The following APOC4 variants were observed in gnomAD, a reference collection of about 807,000 sequenced individuals.
APOC4 encodes apolipoprotein C4, also known as apolipoprotein C-IV.
A neutral mutation model predicts 8.4 loss-of-function variants in APOC4; 10 were observed. That is an observed-to-expected ratio of 1.19 (90% CI 0.74 to 2.03). The LOEUF is 2.03. APOC4 is among the 30% of genes most tolerant of loss of function. The pLI is 0.00. For synonymous variants in APOC4, 59 were observed against 65.8 expected, an observed-to-expected ratio of 0.90 and a Z score of 0.50; for missense variants, 160 against 156.1, an observed-to-expected ratio of 1.02 and a Z score of -0.13.
chr19:44,945,072 C>T lies in APOC4; in HGVS notation c.219-68C>T, dbSNP rs569192609. On this transcript the variant is annotated intron_variant, in intron 2 of 2. Coordinates refer to ENST00000592954, the MANE Select transcript of APOC4 (RefSeq NM_001646.3). ...GGAACTCCTAGGTCACAGAGAGGAGCGGATAAATGGGGCAGAGAACACCTG... is the reference window on the plus strand; with the variant it reads ...GGAACTCCTAGGTCACAGAGAGGAGTGGATAAATGGGGCAGAGAACACCTG... The T allele has an allele frequency of 3.6e-5, 57 of 1,563,392 alleles. No individual in the cohort carries two copies. The South Asian group carries it at 3.9e-4, about 11-fold the overall frequency.
rs371145349 is a variant in APOC4 at position 44,945,112 on chromosome 19, C to T, written c.219-28C>T. 24 of 1,604,362 alleles carry T rather than the reference C, an allele frequency of 1.5e-5. No individual in the cohort carries two copies. The African/African-American group carries it at 3.1e-4, about 21-fold the overall frequency. Reference sequence around the variant, plus strand: ...GAGAACACCTGGGGAGAGCTGGGGCCTCCACTGTGATGTCCTCTCTCCTGT... The same window carrying T: ...GAGAACACCTGGGGAGAGCTGGGGCTTCCACTGTGATGTCCTCTCTCCTGT... On this transcript the variant is annotated intron_variant, in intron 2 of 2. Coordinates refer to ENST00000592954, the MANE Select transcript of APOC4 (RefSeq NM_001646.3).
At chr19:44,942,427 C>G (rs887442529) in intron 1 of APOC4, 74 bp downstream of exon 1, 1 of 1,453,160 alleles carries the variant, frequency 6.9e-7, no homozygotes, top group South Asian at 1.2e-5. Context: ...TCCTGTGGCT[C>G]TGTAGCCACG....
chr19:44,942,488 C>T lies in APOC4; in HGVS notation c.76+135C>T, dbSNP rs192701131. The T allele has an allele frequency of 2.9e-4, 208 of 720,258 alleles. No individual in the cohort carries two copies. In the African/African-American group the frequency reaches 3.1e-3, roughly 11 times the overall value. 44.6% of individuals were successfully genotyped at this position (720,258 alleles called of 1,614,324 possible). ...GTTTCATGGCGTGCGTATGCATGTG[C>T]GTGTCGGGGAGTGTGTGTGTCGGTG... On this transcript the variant is annotated intron_variant, in intron 1 of 2. Coordinates refer to ENST00000592954, the MANE Select transcript of APOC4 (RefSeq NM_001646.3).
chr19:44,945,337 G>T lies in APOC4; in HGVS notation c.*32G>T. On this transcript the variant is annotated 3_prime_UTR_variant, in exon 3 of 3. Transcript: ENST00000592954. The stretch of plus-strand genomic sequence containing the variant: ...CATAAAAGCCAGGTGTGGTTGTGGC[G>T]GGTGCCTGTAGTCCCAGCTACTCAG... 1 of 1,594,610 alleles carries T rather than the reference G, an allele frequency of 6.3e-7. No homozygotes were observed. The highest frequency in any genetic ancestry group is 8.5e-7 in the Non-Finnish European group (1 of 1,172,448).
At chr19:44,942,554 G>C (rs1165709195) in intron 1 of APOC4, among the ~76,000 whole-genome samples, 1 of 152,160 alleles carries the variant, frequency 6.6e-6, no homozygotes, top group Non-Finnish European at 1.5e-5. Context: ...TACAAACTGG[G>C]ATCATCTGTG....
In APOC4 at chr19:44,945,145, C is replaced by T. The variant is rs753096367; in HGVS notation, c.224C>T (p.Pro75Leu). The change falls in exon 3 of 3, where the codon CCG becomes CTG. Residue 75 changes from proline (P) to leucine (L), a missense_variant. Transcript: ENST00000592954. ...TRDGWQWFWS[P>L]STFRGFMQTY... is the part of the protein sequence containing the mutation. ...TGATGTCCTCTCTCCTGTAGGAGCC[C>T]GAGCACCTTCCGGGGCTTCATGCAG... is the stretch of plus-strand genomic sequence containing the variant. 8 of 1,613,468 alleles carry T rather than the reference C, an allele frequency of 5.0e-6. No homozygotes were observed. Among genetic ancestry groups the T allele is most frequent in the East Asian group, 2.2e-5 (1 of 44,882 alleles).
At chr19:44,943,663 G>T (rs1188506194) in intron 1 of APOC4, among the ~76,000 whole-genome samples, 1 of 151,796 alleles carries the variant, frequency 6.6e-6, no homozygotes, top group Non-Finnish European at 1.5e-5. Context: ...GGAGGCAGAG[G>T]TTGCAGTGAG....
chr19:44,945,094 C>T (rs749470744), intron 2 of APOC4, 46 bp from the exon 3 acceptor site: 42 of 1,594,678 alleles, frequency 2.6e-5, no homozygotes, highest in Non-Finnish European at 3.5e-5. Flanking sequence ...GCAGAGAACA[C>T]CTGGGGAGAG....
intron 2 of APOC4, 48 bp from the exon 3 acceptor site, chr19:44,945,092 C>T (rs1450972912): frequency 6.3e-7 from 1 of 1,591,076 alleles, no homozygotes; most frequent in South Asian, 1.1e-5. Flanking sequence ...GGGCAGAGAA[C>T]ACCTGGGGAG....
chr19:44,945,188 C>G lies in APOC4; in HGVS notation c.267C>G (p.His89Gln). 2 of 1,614,076 alleles carry G rather than the reference C, an allele frequency of 1.2e-6. No individual in the cohort carries two copies. Among genetic ancestry groups the G allele is most frequent in the Non-Finnish European group, 1.7e-6 (2 of 1,180,016 alleles). Residue 89 changes from histidine to glutamine, a missense_variant, in exon 3 of 3, where the codon CAC becomes CAG. His to Gln is a conservative substitution (Grantham distance 24, BLOSUM62 0). Coordinates refer to ENST00000592954, the MANE Select transcript of APOC4 (RefSeq NM_001646.3). ...TCATGCAGACCTACTATGACGACCA[C>G]CTGAGGGACCTGGGTCCGCTCACCA... is the stretch of plus-strand genomic sequence containing the variant. ...RGFMQTYYDD[H>Q]LRDLGPLTKA... is the part of the protein sequence containing the mutation.
Position 44,945,371 on chromosome 19 carries a change from G to C in APOC4, c.*66G>C. 1 of 1,534,826 alleles carries C rather than the reference G, an allele frequency of 6.5e-7. No individual in the cohort carries two copies. Among genetic ancestry groups the C allele is most frequent in the Non-Finnish European group, 8.8e-7 (1 of 1,137,468 alleles). On this transcript the variant is annotated 3_prime_UTR_variant, in exon 3 of 3. Transcript: ENST00000592954. ...TAGTCCCAGCTACTCAGGAGGCTGA[G>C]GTAGGATGATGGCTTGAGCCCAGGA...
chr19:44,945,062 CAG>C (rs1421448451), intron 2 of APOC4, 76 bp from the exon 3 acceptor site: 3 of 1,554,760 alleles, frequency 1.9e-6, no homozygotes, highest in African/African-American at 1.4e-5. Context: ...TCCTAGGTCA[CAG>C]AGAGGAGCGG....
intron 1 of APOC4, 144 bp downstream of exon 1, chr19:44,942,497 G>A (rs1466838064): frequency 1.3e-5 from 9 of 716,308 alleles, no homozygotes; most frequent in African/African-American, 3.6e-5. Flanking sequence ...GCGTGTCGGG[G>A]AGTGTGTGTG....
At chr19:44,942,650 CCTGT>C (rs1041709491) in intron 1 of APOC4, among the ~76,000 whole-genome samples, 21 of 151,944 alleles carry the variant, frequency 1.4e-4, no homozygotes, top group African/African-American at 3.4e-4. Flanking sequence ...TTTGTGTGCA[CCTGT>C]CTCTCTGTGG....
rs773375440 is a variant in APOC4, at chr19:44,945,186, CACCTGAGGG to C, written c.271_279del (p.Arg91_Leu93del). The C allele has an allele frequency of 1.2e-6, 2 of 1,614,118 alleles. No individual in the cohort carries two copies. The highest frequency in any genetic ancestry group is 2.2e-5 in the South Asian group (2 of 91,088). On this transcript the variant is annotated inframe_deletion, in exon 3 of 3. Transcript: ENST00000592954. ...CTTCATGCAGACCTACTATGACGAC[CACCTGAGGG>C]ACCTGGGTCCGCTCACCAAGGCCTG...
rs112321936 is a variant in APOC4 at position 44,945,026 on chromosome 19, G to A, written c.219-114G>A. ...TGTGACCCCTAGGTCTGGGAGGAGT[G>A]GAGGGTTAGAGCTGAGAGCAGGAAC... is the stretch of plus-strand genomic sequence containing the variant. On this transcript the variant is annotated intron_variant, in intron 2 of 2. Transcript: ENST00000592954. The A allele has an allele frequency of 4.7e-5, 71 of 1,526,856 alleles. No homozygotes were observed. In the African/African-American group the frequency reaches 7.0e-4, roughly 15 times the overall value. 94.6% of individuals were successfully genotyped at this position (1,526,856 alleles called of 1,614,324 possible).
At chr19:44,943,231 T>C (rs1170177244) in intron 1 of APOC4, among the ~76,000 whole-genome samples, 1 of 151,972 alleles carries the variant, frequency 6.6e-6, no homozygotes. Context: ...AATGCCTGGC[T>C]AATTTTTTTA....
chr19:44,944,988 G>A, intron 2 of APOC4, 98 bp downstream of exon 2: 1 of 1,526,274 alleles, frequency 6.6e-7, no homozygotes, highest in Non-Finnish European at 8.8e-7. Context: ...GGAGGAAAGG[G>A]TGGGAGTGGG....
chr19:44,944,218 G>A (rs1391180231), intron 1 of APOC4, among the ~76,000 whole-genome samples: 2 of 152,136 alleles, frequency 1.3e-5, no homozygotes, highest in African/African-American at 2.4e-5. Context: ...AGGGTGACAG[G>A]AGGGACTACT....
Sources: gnomAD v4.1 joint callset for allele counts (sites outside exome capture counted in the v4.1 genomes callset) on GRCh38, gnomAD v4.1.1 for gene constraint, MANE v1.5 for transcripts, NCBI Gene and HGNC (gene_info 2026-07-23, HGNC 2026-07-21) for gene names.